HARS1: variants seen among roughly 807,000 people sequenced by gnomAD.
HARS1 encodes the protein histidyl-tRNA synthetase 1, also known as histidine--tRNA ligase, cytoplasmic.
Under a neutral mutation model 63.6 loss-of-function variants are expected in HARS1, and 45 were observed. That is an observed-to-expected ratio of 0.71 (90% CI 0.56 to 0.91). The LOEUF (loss-of-function observed/expected upper bound fraction) is 0.91, where lower values mean the gene tolerates loss of function less well. Ranked by LOEUF, HARS1 falls within the 40% of genes least tolerant of loss-of-function variation. HARS1 has a pLI of 0.00. For missense variants in HARS1, 508 were observed against 643.2 expected (o/e 0.79, Z 2.27); for synonymous variants, 205 against 247.1 (o/e 0.83, Z 1.60).
At chr5:140,686,661 C>A (rs544061013) in intron 2 of HARS1, among the ~76,000 whole-genome samples, 6 of 149,934 alleles carry the variant, frequency 4.0e-5, no homozygotes, top group Admixed American at 1.3e-4. Flanking sequence ...AGTGCAATGA[C>A]GCGATCTCGG....
rs898287023 is a variant in HARS1 at position 140,676,399 on chromosome 5, C to T, written c.1194+255G>A. On this transcript the variant is annotated intron_variant, in intron 10 of 12. Transcript: ENST00000504156. The surrounding 1 kb of genome is among the most constrained non-coding windows in gnomAD (Gnocchi z 4.1). ...GAGGAAGATCTAAGTCTTGGATACA[C>T]CAGCCCAGGTTTGTGACAGCCCTGA... 8.1e-6 allele frequency: 4 copies of T among 492,868 alleles called. No individual in the cohort carries two copies. Among genetic ancestry groups the T allele is most frequent in the Non-Finnish European group, 1.5e-5 (4 of 275,250 alleles). The allele number at this position is 492,868 out of a possible 1,614,324, so 30.5% of individuals were successfully genotyped here.
chr5:140,678,926 T>A (rs964948762), intron 5 of HARS1, 76 bp downstream of exon 5: 1 of 1,472,544 alleles, frequency 6.8e-7, no homozygotes, highest in South Asian at 1.2e-5. Flanking sequence ...CAGGACACCG[T>A]GAGTACTCAA....
Position 140,674,337 on chromosome 5 carries a change from G to GA in HARS1, c.1459-10dup. On this transcript the variant is annotated splice_polypyrimidine_tract_variant and intron_variant, in intron 12 of 12. Transcript: ENST00000504156. ...TCTCTTCGGACATCCACCTGGCCAG[G>GA]ATGGGAGAAGAAGGTGGTATAAGCA... The GA allele has an allele frequency of 1.3e-6, 2 of 1,593,824 alleles. No homozygotes were observed. The highest frequency in any genetic ancestry group is 1.7e-6 in the Non-Finnish European group (2 of 1,161,416).
At chr5:140,678,086 T>A in intron 5 of HARS1, 71 bp from the exon 6 acceptor site, 1 of 818,270 alleles carries the variant, frequency 1.2e-6, no homozygotes, top group South Asian at 1.4e-5. Flanking sequence ...GGGAGCTCTG[T>A]CCTCTAGGAA....
At position 140,690,896 on chromosome 5, in the gene HARS1, G is replaced by C; in HGVS notation, c.139C>G (p.Pro47Ala). ...KLLKLKAQLG[P>A]DESKQKFVLK... ...ACAAATTTCTGTTTGCTTTCATCAG[G>C]ACCCAGCTGTGCCTTCAGTTTCAGG... Residue 47 changes from proline (P) to alanine (A), a missense_variant, in exon 2 of 13, where the codon CCT becomes GCT. Coordinates refer to ENST00000504156, the MANE Select transcript of HARS1 (RefSeq NM_002109.6). 1 of 1,610,598 alleles carries C rather than the reference G, an allele frequency of 6.2e-7. No homozygotes were observed. The highest frequency in any genetic ancestry group is 8.5e-7 in the Non-Finnish European group (1 of 1,176,822).
chr5:140,684,463 T>C, intron 2 of HARS1: 1 of 954,054 alleles, frequency 1.0e-6, no homozygotes, highest in East Asian at 1.2e-4. Context: ...AAATCTTAGT[T>C]ACAACTGTTT....
chr5:140,688,547 C>T (rs1420407150), intron 2 of HARS1, among the ~76,000 whole-genome samples: 1 of 152,174 alleles, frequency 6.6e-6, no homozygotes, highest in African/African-American at 2.4e-5. Context: ...TTAATATTAT[C>T]TAATGCTAAG....
At chr5:140,674,992 C>A in intron 11 of HARS1, 25 bp downstream of exon 11, 3 of 1,532,738 alleles carry the variant, frequency 2.0e-6, no homozygotes, top group Non-Finnish European at 2.7e-6. Context: ...AAGTTTGCTG[C>A]CACCCTGGGG....
chr5:140,679,672 T>C lies in HARS1; in HGVS notation c.396+116A>G, dbSNP rs1758601367. On this transcript the variant is annotated intron_variant, in intron 4 of 12. Coordinates refer to ENST00000504156, the MANE Select transcript of HARS1 (RefSeq NM_002109.6). This position sits in a 1 kb window ranked among gnomAD's most constrained non-coding sequence, Gnocchi z 4.3. ...TTCCACTCCTGGTTTAGAGAAATAA[T>C]TCCCCTAATCGCCAAAGGCCTCATA... 2 of 564,556 alleles carry C rather than the reference T, an allele frequency of 3.5e-6. No individual in the cohort carries two copies. The highest frequency in any genetic ancestry group is 3.9e-5 in the African/African-American group (2 of 51,358). The allele number at this position is 564,556 out of a possible 1,614,324, so 35.0% of individuals were successfully genotyped here.
Position 140,683,202 on chromosome 5 carries a change from A to G in HARS1, c.198T>C (p.Ser66=), listed in dbSNP as rs1297516689. The G allele has an allele frequency of 6.2e-7, 1 of 1,613,928 alleles. No homozygotes were observed. Among genetic ancestry groups the G allele is most frequent in the South Asian group, 1.1e-5 (1 of 91,076 alleles). The change falls in exon 3 of 13, where the codon AGT becomes AGC. Residue 66 remains serine (S), a synonymous_variant. Coordinates refer to ENST00000504156, the MANE Select transcript of HARS1 (RefSeq NM_002109.6). ...LKTPKGTRDY[S]PRQMAVREKV... ...TCTCGCGAACTGCCATCTGCCGGGGACTATAGTCTCTTGTGCCCTTGGAGT... is the reference window on the plus strand; with the variant it reads ...TCTCGCGAACTGCCATCTGCCGGGGGCTATAGTCTCTTGTGCCCTTGGAGT...
intron 2 of HARS1, among the ~76,000 whole-genome samples, chr5:140,685,611 C>T (rs1347819139): frequency 6.6e-6 from 1 of 151,728 alleles, no homozygotes; most frequent in Non-Finnish European, 1.5e-5. Flanking sequence ...GTCCCAGCTA[C>T]CTGGGACGCT....
chr5:140,686,518 C>T (rs527490890), intron 2 of HARS1, among the ~76,000 whole-genome samples: 2 of 151,522 alleles, frequency 1.3e-5, no homozygotes, highest in Non-Finnish European at 2.9e-5. Flanking sequence ...GGATTACAGG[C>T]GTAAGCCACC....
intron 3 of HARS1, among the ~76,000 whole-genome samples, chr5:140,680,851 A>T (rs1758683627): frequency 6.6e-6 from 1 of 152,056 alleles, no homozygotes; most frequent in Non-Finnish European, 1.5e-5. Context: ...AAAAAAAAAA[A>T]AATTCCCCAT....
At chr5:140,684,629 C>T (rs72800924) in intron 2 of HARS1, 51 of 154,946 alleles carry the variant, frequency 3.3e-4, no homozygotes, top group Non-Finnish European at 6.0e-4. Flanking sequence ...CCTTCCAGGT[C>T]AGAGCTTCCA....
chr5:140,690,856 T>G lies in HARS1; in HGVS notation c.179A>C (p.Lys60Thr). 1 of 1,561,480 alleles carries G rather than the reference T, an allele frequency of 6.4e-7. No homozygotes were observed. ...GGCTCCCTACAGGAATGATATTACCTTGGGGGTTTTGAGCACAAATTTCTG... is the reference window on the plus strand; with the variant it reads ...GGCTCCCTACAGGAATGATATTACCGTGGGGGTTTTGAGCACAAATTTCTG... ...SKQKFVLKTP[K>T]GTRDYSPRQM... The change falls in exon 2 of 13, where the codon AAG (lysine) becomes ACG (threonine). Residue 60 changes from lysine to threonine, a missense_variant and splice_region_variant. Lys to Thr is a moderately conservative substitution (Grantham distance 78). This residue lies in a region of HARS1 where 105 missense variants were observed against 94.5 expected (regional missense o/e 1.11). Transcript: ENST00000504156.
chr5:140,675,355 A>G, intron 10 of HARS1: 2 of 451,926 alleles, frequency 4.4e-6, no homozygotes, highest in South Asian at 3.4e-5. Context: ...AACTTAGGGC[A>G]AGAGTAAAGG....
chr5:140,676,398 A>G lies in HARS1; in HGVS notation c.1194+256T>C, dbSNP rs1423743707. On this transcript the variant is annotated intron_variant, in intron 10 of 12. Transcript: ENST00000504156. The surrounding 1 kb of genome is among the most constrained non-coding windows in gnomAD (Gnocchi z 4.1). ...TGAGGAAGATCTAAGTCTTGGATAC[A>G]CCAGCCCAGGTTTGTGACAGCCCTG... 3 of 493,568 alleles carry G rather than the reference A, an allele frequency of 6.1e-6. No individual in the cohort carries two copies. The highest frequency in any genetic ancestry group is 1.1e-5 in the Non-Finnish European group (3 of 275,648). 30.6% of individuals were successfully genotyped at this position (493,568 alleles called of 1,614,324 possible).
chr5:140,674,872 C>T, intron 11 of HARS1, 47 bp from the exon 12 acceptor site: 11 of 1,607,368 alleles, frequency 6.8e-6, no homozygotes, highest in South Asian at 1.1e-5. Context: ...CTGCTGTCCT[C>T]AGGGACAGAG....
chr5:140,685,607 G>A (rs1179724777), intron 2 of HARS1, among the ~76,000 whole-genome samples: 2 of 151,730 alleles, frequency 1.3e-5, no homozygotes, highest in African/African-American at 4.8e-5. Context: ...TGTAGTCCCA[G>A]CTACCTGGGA....
Sources: gnomAD v4.1 joint callset for allele counts (sites outside exome capture counted in the v4.1 genomes callset) on GRCh38, gnomAD v4.1.1 for gene constraint, gnomAD v4.1.1 regional missense constraint, Gnocchi (gnomAD v3.1) non-coding constraint, MANE v1.5 for transcripts, NCBI Gene and HGNC (gene_info 2026-07-23, HGNC 2026-07-21) for gene names.